Variants in CD82 observed in about 807,000 individuals in gnomAD.
CD82 encodes the protein CD82 molecule, also known as CD82 antigen.
Under a neutral mutation model 37.4 loss-of-function variants are expected in CD82, and 36 were observed. The ratio of observed to expected loss-of-function variants is 0.96; its 90% CI spans 0.74 to 1.27. CD82 has a LOEUF of 1.27. CD82 is among the 50% of genes most tolerant of loss of function. The pLI is 0.00. For missense variants in CD82, 340 were observed against 347.0 expected (o/e 0.98, Z 0.16); for synonymous variants, 158 against 137.4 (o/e 1.15, Z -1.05).
At position 44,567,758 on chromosome 11, in the gene CD82, C is replaced by T. The variant is rs567960533; in HGVS notation, c.-103+2022C>T. Among the ~76,000 whole-genome samples the T allele has an allele frequency of 2.6e-5, 4 of 152,280 alleles. 1 individual carries two copies. Among genetic ancestry groups the T allele is most frequent in the African/African-American group, 9.6e-5 (4 of 41,556 alleles). On this transcript the variant is annotated intron_variant, in intron 1 of 9. Coordinates refer to ENST00000227155, the MANE Select transcript of CD82 (RefSeq NM_002231.4). Reference sequence around the variant, plus strand: ...ACATAAGGCCTGCACCCTCAGGTTGCTTACCATCCGGGAAGGGGCTTACAC... The same window carrying T: ...ACATAAGGCCTGCACCCTCAGGTTGTTTACCATCCGGGAAGGGGCTTACAC...
At chr11:44,578,115 G>C (rs1345239350) in intron 1 of CD82, among the ~76,000 whole-genome samples, 3 of 152,042 alleles carry the variant, frequency 2.0e-5, no homozygotes, top group Non-Finnish European at 4.4e-5. Context: ...CAGGCGACCT[G>C]AGGGCGGCCT....
At chr11:44,609,456 AGGGGAAGGGGCTCACTTGGCCTG>A (rs1853449293) in intron 6 of CD82, among the ~76,000 whole-genome samples, 1 of 151,774 alleles carries the variant, frequency 6.6e-6, no homozygotes, top group African/African-American at 2.4e-5. Flanking sequence ...AAGACATTGG[AGGGGAAGGGGCTCACTTGGCCTG>A]GCTGGGAGCC....
chr11:44,567,766 C>G (rs959645003), intron 1 of CD82, among the ~76,000 whole-genome samples: 1 of 152,150 alleles, frequency 6.6e-6, no homozygotes, highest in African/African-American at 2.4e-5. Flanking sequence ...TGCTTACCAT[C>G]CGGGAAGGGG....
chr11:44,584,435 C>T (rs186138224), intron 1 of CD82, among the ~76,000 whole-genome samples: 14 of 152,078 alleles, frequency 9.2e-5, no homozygotes, highest in East Asian at 5.8e-4. Flanking sequence ...TACAGGCACC[C>T]GCCACCATGC....
chr11:44,581,721 G>A (rs1438544265), intron 1 of CD82, among the ~76,000 whole-genome samples: 1 of 152,198 alleles, frequency 6.6e-6, no homozygotes, highest in Non-Finnish European at 1.5e-5. Context: ...GGGCCACTTG[G>A]GAGGCCCCTG....
At chr11:44,605,232 C>A (rs759609728) in intron 5 of CD82, 50 bp downstream of exon 5, 1 of 1,607,012 alleles carries the variant, frequency 6.2e-7, no homozygotes, top group South Asian at 1.1e-5. Flanking sequence ...CTCATCCAGC[C>A]GAGTGCAGCC....
intron 2 of CD82, among the ~76,000 whole-genome samples, chr11:44,592,977 T>C (rs1027888583): frequency 2.0e-5 from 3 of 152,076 alleles, no homozygotes; most frequent in Non-Finnish European, 2.9e-5. Flanking sequence ...ATATTATACC[T>C]CCCAAATCTG....
chr11:44,609,314 G>C (rs890486063), intron 6 of CD82, among the ~76,000 whole-genome samples: 2 of 152,318 alleles, frequency 1.3e-5, no homozygotes, highest in African/African-American at 4.8e-5. Flanking sequence ...AGTGGAGGTG[G>C]GAGGAGTGAG....
intron 1 of CD82, among the ~76,000 whole-genome samples, chr11:44,586,678 T>A (rs1213146755): frequency 6.6e-6 from 1 of 152,102 alleles, no homozygotes; most frequent in Non-Finnish European, 1.5e-5. Context: ...ATATACATTT[T>A]AAAAAATCCT....
At chr11:44,569,140 C>T (rs1186388296) in intron 1 of CD82, among the ~76,000 whole-genome samples, 3 of 152,246 alleles carry the variant, frequency 2.0e-5, no homozygotes, top group African/African-American at 4.8e-5. Context: ...CCTACCCACC[C>T]GCTTCCCCTC....
chr11:44,594,521 TA>T, intron 2 of CD82, 121 bp from the exon 3 acceptor site: 1 of 677,936 alleles, frequency 1.5e-6, no homozygotes. Flanking sequence ...GCTAGTTGTC[TA>T]ACCTCTCTGG....
intron 6 of CD82, among the ~76,000 whole-genome samples, chr11:44,609,658 C>T (rs921123564): frequency 1.3e-5 from 2 of 152,198 alleles, no homozygotes; most frequent in Non-Finnish European, 2.9e-5. Context: ...AGACGGGTTC[C>T]TAGGGGACAG....
At chr11:44,568,705 C>G (rs933945312) in intron 1 of CD82, among the ~76,000 whole-genome samples, 4 of 152,084 alleles carry the variant, frequency 2.6e-5, no homozygotes, top group African/African-American at 9.7e-5. Flanking sequence ...CTGAAGTTTC[C>G]GCTATGTGGG....
At chr11:44,578,694 T>C (rs1469036289) in intron 1 of CD82, among the ~76,000 whole-genome samples, 2 of 152,134 alleles carry the variant, frequency 1.3e-5, no homozygotes, top group African/African-American at 4.8e-5. Flanking sequence ...CTTGGCTAAA[T>C]CCATCAGCAA....
chr11:44,615,837 C>T (rs537753945), intron 7 of CD82, among the ~76,000 whole-genome samples: 24 of 152,244 alleles, frequency 1.6e-4, no homozygotes, highest in African/African-American at 5.8e-4. Flanking sequence ...TGTGCACATA[C>T]GTAAAAATGC....
intron 7 of CD82, 106 bp downstream of exon 7, chr11:44,615,479 G>C (rs1422807304): frequency 4.2e-6 from 3 of 720,184 alleles, no homozygotes; most frequent in African/African-American, 3.5e-5. Context: ...GCTCGTGTGT[G>C]CCTGACAGTT....
At chr11:44,608,794 A>G (rs1370896784) in intron 6 of CD82, among the ~76,000 whole-genome samples, 1 of 152,214 alleles carries the variant, frequency 6.6e-6, no homozygotes, top group Non-Finnish European at 1.5e-5. Context: ...CTGCTGCCCC[A>G]GCCCCCACTA....
intron 1 of CD82, among the ~76,000 whole-genome samples, chr11:44,583,542 G>A (rs1853010688): frequency 6.6e-6 from 1 of 152,194 alleles, no homozygotes; most frequent in Admixed American, 6.5e-5. Flanking sequence ...GGATCAGGCA[G>A]CAGGCGGCAG....
At chr11:44,601,183 G>A (rs11038078) in intron 4 of CD82, among the ~76,000 whole-genome samples, 27,248 of 152,132 alleles carry the variant, frequency 0.18, 2,712 homozygotes, top group African/African-American at 0.26. Context: ...ACTTCTCCCA[G>A]CAGCTGCCCA....
Sources: allele counts gnomAD v4.1 joint callset (sites outside exome capture counted in the v4.1 genomes callset), GRCh38; gene constraint gnomAD v4.1.1; transcripts MANE v1.5; gene names NCBI Gene and HGNC (gene_info 2026-07-23, HGNC 2026-07-21).